FMN1: variants seen among roughly 807,000 people sequenced by gnomAD.
The protein encoded by FMN1 is formin-1.
Under a neutral mutation model 132.4 loss-of-function variants are expected in FMN1, and 110 were observed. That is an observed-to-expected ratio of 0.83 (90% CI 0.71 to 0.97). FMN1 has a LOEUF of 0.97. Ranked by LOEUF, FMN1 falls within the 50% of genes least tolerant of loss-of-function variation. The pLI is 0.00. For missense variants in FMN1, 1,792 were observed against 1,705.3 expected (o/e 1.05, Z -0.90); for synonymous variants, 722 against 651.7 (o/e 1.11, Z -1.64).
chr15:32,900,804 G>T (rs1174144575), intron 13 of FMN1, among the ~76,000 whole-genome samples: 1 of 152,012 alleles, frequency 6.6e-6, no homozygotes, highest in Non-Finnish European at 1.5e-5. Context: ...TTTTCCAATT[G>T]AAATTTTTTT....
At chr15:33,120,963 C>T (rs1484268051) in intron 4 of FMN1, among the ~76,000 whole-genome samples, 1 of 152,100 alleles carries the variant, frequency 6.6e-6, no homozygotes, top group Non-Finnish European at 1.5e-5. Flanking sequence ...AAAGTAAATT[C>T]ACCTCTTTTC....
At chr15:33,015,776 A>G (rs1287627392) in intron 6 of FMN1, among the ~76,000 whole-genome samples, 1 of 152,202 alleles carries the variant, frequency 6.6e-6, no homozygotes, top group South Asian at 2.1e-4. Flanking sequence ...CTTAGCACAC[A>G]CACCGGCAAG....
intron 4 of FMN1, among the ~76,000 whole-genome samples, chr15:33,102,790 C>A (rs2039343555): frequency 1.3e-5 from 2 of 152,056 alleles, no homozygotes; most frequent in Non-Finnish European, 2.9e-5. Context: ...TATTTCATTT[C>A]CACAAGATGA....
chr15:32,942,569 C>T (rs2061423410), intron 9 of FMN1, among the ~76,000 whole-genome samples: 1 of 152,202 alleles, frequency 6.6e-6, no homozygotes, highest in Non-Finnish European at 1.5e-5. Context: ...AACACAGAAG[C>T]CCTCTTCTTC....
intron 3 of FMN1, among the ~76,000 whole-genome samples, chr15:33,163,592 CTGTTT>C (rs71117113): frequency 0.02 from 2,970 of 145,006 alleles, 74 homozygotes; most frequent in African/African-American, 0.059. Flanking sequence ...CCATGCCTGG[CTGTTT>C]TGTTTTGTTT....
In FMN1 at chr15:32,903,909, G is replaced by A. The variant is rs191601386; in HGVS notation, c.3378-1869C>T. Among the ~76,000 whole-genome samples, 667 of 152,236 alleles carry A rather than the reference G, an allele frequency of 4.4e-3. 3 individuals carry two copies. Among genetic ancestry groups the A allele is most frequent in the Non-Finnish European group, 5.7e-3 (389 of 68,016 alleles). On this transcript the variant is annotated intron_variant, in intron 12 of 20. Coordinates refer to ENST00000616417, the MANE Select transcript of FMN1 (RefSeq NM_001277313.2). ...TCCAATGTCCTCTTTAAGCAGAAGG[G>A]TCTGCAACCCATACGAAGAGTTGGA...
intron 18 of FMN1, among the ~76,000 whole-genome samples, chr15:32,803,669 G>C (rs2057558379): frequency 6.6e-6 from 1 of 152,114 alleles, no homozygotes; most frequent in Admixed American, 6.5e-5. Context: ...TCCTCCTCTA[G>C]AAGCTGAGGA....
At chr15:33,018,859 G>A (rs1596482220) in intron 6 of FMN1, among the ~76,000 whole-genome samples, 1 of 152,302 alleles carries the variant, frequency 6.6e-6, no homozygotes, top group South Asian at 2.1e-4. Flanking sequence ...TCTTAAGGCA[G>A]CACGTCTGGA....
intron 16 of FMN1, among the ~76,000 whole-genome samples, chr15:32,875,234 A>C (rs2059610790): frequency 6.6e-6 from 1 of 152,178 alleles, no homozygotes; most frequent in South Asian, 2.1e-4. Flanking sequence ...AGTATTAGTA[A>C]AGTCACACAG....
intron 7 of FMN1, among the ~76,000 whole-genome samples, chr15:32,976,135 G>C (rs114693281): frequency 0.013 from 1,940 of 152,204 alleles, 48 homozygotes; most frequent in African/African-American, 0.045. Flanking sequence ...AAAAAATCAG[G>C]TTATCTGCTG....
intron 17 of FMN1, among the ~76,000 whole-genome samples, chr15:32,823,535 T>A (rs917940885): frequency 2.0e-5 from 3 of 152,132 alleles, no homozygotes; most frequent in East Asian, 3.9e-4. Flanking sequence ...GAGAAAATTC[T>A]CACAAATGCC....
chr15:32,992,454 ATTTCCC>A (rs140943519), intron 7 of FMN1, among the ~76,000 whole-genome samples: 8,432 of 152,240 alleles, frequency 0.055, 273 homozygotes, highest in Middle Eastern at 0.095. Flanking sequence ...GTGTTTATAA[ATTTCCC>A]TCAGGACTAA....
chr15:32,908,468 G>A (rs761595315), intron 12 of FMN1, 22 bp downstream of exon 12: 1 of 1,545,480 alleles, frequency 6.5e-7, no homozygotes, highest in Non-Finnish European at 8.9e-7. Context: ...TGGCCTAACA[G>A]AAAAATGTTA....
In FMN1 at chr15:32,932,859, G is replaced by C. The variant is rs11858697; in HGVS notation, c.3139-6598C>G. Among the ~76,000 whole-genome samples, 20 of 152,020 alleles carry C rather than the reference G, an allele frequency of 1.3e-4. 1 individual carries two copies. The highest frequency in any genetic ancestry group is 4.8e-4 in the African/African-American group (20 of 41,482). On this transcript the variant is annotated intron_variant, in intron 9 of 20. Transcript: ENST00000616417. ...GTTGTAATGTCTTCTCTCTCATTTT[G>C]TATATACTTGTGTTTTCTTTTTCTC...
intron 15 of FMN1, among the ~76,000 whole-genome samples, chr15:32,895,665 G>A (rs1017255904): frequency 6.6e-6 from 1 of 151,954 alleles, no homozygotes; most frequent in African/African-American, 2.4e-5. Flanking sequence ...TATCTAGTTG[G>A]CAATTTATGT....
intron 4 of FMN1, among the ~76,000 whole-genome samples, chr15:33,129,354 T>G (rs1963434862): frequency 6.6e-6 from 1 of 152,170 alleles, no homozygotes; most frequent in Non-Finnish European, 1.5e-5. Context: ...TGAGCTGAAA[T>G]AAATCTGAGG....
chr15:33,126,079 G>A (rs1229009083), intron 4 of FMN1, among the ~76,000 whole-genome samples: 1 of 152,170 alleles, frequency 6.6e-6, no homozygotes, highest in Non-Finnish European at 1.5e-5. Context: ...GGGCTTTGCA[G>A]GTGATAAAGC....
At chr15:32,913,651 A>G (rs1397164708) in intron 10 of FMN1, among the ~76,000 whole-genome samples, 1 of 152,022 alleles carries the variant, frequency 6.6e-6, no homozygotes, top group East Asian at 1.9e-4. Flanking sequence ...CTGCCATGGT[A>G]CCTCTCTCAT....
chr15:33,162,116 A>T (rs1964921723), intron 3 of FMN1, among the ~76,000 whole-genome samples: 1 of 151,888 alleles, frequency 6.6e-6, no homozygotes, highest in African/African-American at 2.4e-5. Flanking sequence ...GGCCCAGGCA[A>T]TTCTCCTACC....
Sources: gnomAD v4.1 joint callset for allele counts (sites outside exome capture counted in the v4.1 genomes callset) on GRCh38, gnomAD v4.1.1 for gene constraint, MANE v1.5 for transcripts, NCBI Gene and HGNC (gene_info 2026-07-23, HGNC 2026-07-21) for gene names.